KANK1: variants seen among roughly 807,000 people sequenced by gnomAD.
The protein encoded by KANK1 is KN motif and ankyrin repeat domains 1, also known as KN motif and ankyrin repeat domain-containing protein 1.
In KANK1, 109 loss-of-function variants were observed where a neutral mutation model predicts 106.2. The observed-to-expected ratio is 1.03, with a 90% CI of 0.88 to 1.20. KANK1 has a LOEUF of 1.20. Among genes scored for constraint, KANK1 ranks in the 50% most tolerant of loss-of-function variants. The probability of loss-of-function intolerance (pLI) is 0.00; values close to 1 mark genes in which losing one functional copy is unlikely to be tolerated. For missense variants in KANK1, 2,399 were observed against 1,710.7 expected, an observed-to-expected ratio of 1.40 and a Z score of -7.10; for synonymous variants, 873 against 652.2, an observed-to-expected ratio of 1.34 and a Z score of -5.16.
intron 1 of KANK1, among the ~76,000 whole-genome samples, chr9:518,377 T>C (rs7030196): frequency 0.17 from 25,763 of 151,362 alleles, 7,653 homozygotes; most frequent in African/African-American, 0.59. Flanking sequence ...GAGCCTCCCC[T>C]TCTCCCTCCT....
chr9:665,605 G>C (rs1449243228), intron 1 of KANK1, among the ~76,000 whole-genome samples: 14 of 152,106 alleles, frequency 9.2e-5, no homozygotes. Flanking sequence ...GTAGTGTGAG[G>C]CCTCCAGCTT....
At chr9:538,625 A>G (rs373533607) in intron 1 of KANK1, among the ~76,000 whole-genome samples, 4 of 152,188 alleles carry the variant, frequency 2.6e-5, no homozygotes, top group Non-Finnish European at 2.9e-5. Flanking sequence ...GCGTGGTGCT[A>G]TCTAGCAAAA....
In KANK1 at chr9:559,629, A is replaced by G. The variant is rs553430646; in HGVS notation, c.-84+54875A>G. On this transcript the variant is annotated intron_variant, in intron 1 of 11. Transcript: ENST00000382297. ...TTCTGATTTGTAGACTTCTGTTGACAATCTTTCAAGACGGGAGAAGGGTGA... is the reference window on the plus strand; with the variant it reads ...TTCTGATTTGTAGACTTCTGTTGACGATCTTTCAAGACGGGAGAAGGGTGA... Among the ~76,000 whole-genome samples, 18 of 152,362 alleles carry G rather than the reference A, an allele frequency of 1.2e-4. 1 individual carries two copies. In the East Asian group the frequency reaches 3.5e-3, roughly 29 times the overall value.
At chr9:632,856 A>T (rs1013723891) in intron 1 of KANK1, among the ~76,000 whole-genome samples, 56 of 151,118 alleles carry the variant, frequency 3.7e-4, no homozygotes, top group African/African-American at 1.2e-3. Context: ...CACCCGGCTA[A>T]TTTTTTTTTG....
chr9:652,601 G>T (rs4259463), intron 1 of KANK1, among the ~76,000 whole-genome samples: 27,624 of 152,140 alleles, frequency 0.18, 2,766 homozygotes, highest in East Asian at 0.32. Context: ...ATGAGACAAA[G>T]ATGAAAGGGG....
intron 1 of KANK1, among the ~76,000 whole-genome samples, chr9:544,596 C>T (rs2060816658): frequency 6.6e-6 from 1 of 152,112 alleles, no homozygotes; most frequent in South Asian, 2.1e-4. Context: ...GCTGGGGAAC[C>T]AGACAGATAT....
intron 1 of KANK1, among the ~76,000 whole-genome samples, chr9:538,181 A>G (rs1473812902): frequency 6.6e-6 from 1 of 151,422 alleles, no homozygotes. Context: ...TCGTCTGTAA[A>G]AAAAAAAAAG....
chr9:481,355 C>T (rs10974750), intron 3 of KANK1, among the ~76,000 whole-genome samples: 36,329 of 151,908 alleles, frequency 0.24, 5,504 homozygotes, highest in East Asian at 0.51. Flanking sequence ...TTTGGAAGGA[C>T]GTGGCCTATG....
intron 1 of KANK1, among the ~76,000 whole-genome samples, chr9:617,035 A>G (rs1225436005): frequency 1.3e-5 from 2 of 152,200 alleles, no homozygotes; most frequent in Non-Finnish European, 2.9e-5. Context: ...TCCCTTCTCT[A>G]GAAGATCTCA....
chr9:688,105 A>G (rs1563988775), intron 2 of KANK1, among the ~76,000 whole-genome samples: 4 of 152,172 alleles, frequency 2.6e-5, no homozygotes, highest in Admixed American at 2.6e-4. Context: ...CTGATGTGCT[A>G]TATTCTTTGC....
intron 11 of KANK1, chr9:744,964 T>C: frequency 6.8e-7 from 1 of 1,464,454 alleles, no homozygotes; most frequent in Non-Finnish European, 9.0e-7. Context: ...AGTGGGAAGG[T>C]GACTTCCCAG....
intron 1 of KANK1, among the ~76,000 whole-genome samples, chr9:532,837 C>G (rs1302549077): frequency 6.6e-6 from 1 of 152,126 alleles, no homozygotes; most frequent in African/African-American, 2.4e-5. Context: ...AGTAGGGTCT[C>G]AACCTTGTTT....
intron 1 of KANK1, chr9:549,264 C>T (rs954209829): frequency 2.0e-5 from 3 of 152,556 alleles, no homozygotes; most frequent in Non-Finnish European, 4.4e-5. Context: ...CGCTGACTTC[C>T]TGTAGTGGAT....
chr9:641,232 C>G (rs1838358743), intron 1 of KANK1, among the ~76,000 whole-genome samples: 2 of 152,172 alleles, frequency 1.3e-5, no homozygotes, highest in South Asian at 4.1e-4. Flanking sequence ...TTAATGCAAT[C>G]AGATATGAAC....
chr9:563,809 T>A (rs551239902), intron 1 of KANK1, among the ~76,000 whole-genome samples: 7 of 152,168 alleles, frequency 4.6e-5, no homozygotes, highest in Non-Finnish European at 8.8e-5. Flanking sequence ...CCGGATAGTT[T>A]ATTTGATCTG....
intron 1 of KANK1, among the ~76,000 whole-genome samples, chr9:508,966 C>G (rs909062430): frequency 1.3e-5 from 2 of 152,154 alleles, no homozygotes; most frequent in Admixed American, 6.5e-5. Flanking sequence ...TTTAGAGGTA[C>G]AGTCATGCGG....
intron 1 of KANK1, among the ~76,000 whole-genome samples, chr9:578,690 A>T (rs894318980): frequency 4.6e-5 from 7 of 152,222 alleles, no homozygotes; most frequent in Admixed American, 1.3e-4. Context: ...TGAAAATAAA[A>T]TAACCATTAC....
intron 1 of KANK1, among the ~76,000 whole-genome samples, chr9:671,564 C>T (rs1305955590): frequency 6.1e-5 from 6 of 97,878 alleles, no homozygotes; most frequent in Non-Finnish European, 1.2e-4. Context: ...TGCAGCGTGC[C>T]GAGATGGCGC....
intron 10 of KANK1, 42 bp downstream of exon 10, chr9:742,447 G>A: frequency 2.0e-6 from 3 of 1,508,728 alleles, no homozygotes; most frequent in Non-Finnish European, 2.7e-6. Context: ...GGGTCTGGGG[G>A]ACTCTGGACG....
Sources: gnomAD v4.1 joint callset for allele counts (sites outside exome capture counted in the v4.1 genomes callset) on GRCh38, gnomAD v4.1.1 for gene constraint, MANE v1.5 for transcripts, NCBI Gene and HGNC (gene_info 2026-07-23, HGNC 2026-07-21) for gene names.